The following WNK1 variants were observed in gnomAD, a reference collection of about 807,000 sequenced individuals.
The protein encoded by WNK1 is WNK lysine deficient protein kinase 1, also known as serine/threonine-protein kinase WNK1.
Under a neutral mutation model 222.8 loss-of-function variants are expected in WNK1, and 38 were observed. The ratio of observed to expected loss-of-function variants is 0.17; its 90% CI spans 0.13 to 0.22. The LOEUF is 0.22. Among genes scored for constraint, WNK1 ranks in the 10% least tolerant of loss-of-function variants. The pLI, the probability that WNK1 is intolerant of heterozygous loss-of-function variation, is 1.00. For synonymous variants in WNK1, 1,090 were observed against 1,092.9 expected (o/e 1.00, Z 0.05); for missense variants, 2,348 against 2,918.4 (o/e 0.80, Z 4.50).
intron 4 of WNK1, among the ~76,000 whole-genome samples, chr12:832,642 T>C (rs2154029750): frequency 6.6e-6 from 1 of 152,356 alleles, no homozygotes; most frequent in East Asian, 1.9e-4. Flanking sequence ...AGTGTGTAAC[T>C]CTCAAGTTAC....
At position 830,056 on chromosome 12, in the gene WNK1, G is replaced by A. The variant is rs72648631; in HGVS notation, c.1207G>A (p.Val403Ile). 4 of 1,614,064 alleles carry A rather than the reference G, an allele frequency of 2.5e-6. No homozygotes were observed. Among genetic ancestry groups the A allele is most frequent in the African/African-American group, 2.7e-5 (2 of 75,000 alleles). The change falls in exon 4 of 28, where the codon GTT becomes ATT. Residue 403 changes from valine (V) to isoleucine (I), a missense_variant. This residue lies in a region of WNK1 where 8 missense variants were observed against 86.0 expected (regional missense o/e 0.09). Coordinates refer to ENST00000315939, the MANE Select transcript of WNK1 (RefSeq NM_018979.4). ...GTATGAGGAGAAATATGATGAATCCGTTGACGTTTATGCTTTTGGGATGTG... is the reference window on the plus strand; with the variant it reads ...GTATGAGGAGAAATATGATGAATCCATTGACGTTTATGCTTTTGGGATGTG... Reference protein sequence around the residue: ...EMYEEKYDESVDVYAFGMCML... With the variant: ...EMYEEKYDESIDVYAFGMCML...
At chr12:801,133 G>GTAA (rs1221172315) in intron 1 of WNK1, among the ~76,000 whole-genome samples, 1 of 152,098 alleles carries the variant, frequency 6.6e-6, no homozygotes, top group Admixed American at 6.5e-5. Flanking sequence ...TTTTATTTCT[G>GTAA]TAACTTTCTT....
chr12:793,345 G>C (rs887559853), intron 1 of WNK1, among the ~76,000 whole-genome samples: 1 of 152,146 alleles, frequency 6.6e-6, no homozygotes, highest in South Asian at 2.1e-4. Context: ...AGCCTATAAA[G>C]TTAAAAAGGA....
At chr12:808,960 C>T (rs1218222688) in intron 1 of WNK1, among the ~76,000 whole-genome samples, 4 of 151,954 alleles carry the variant, frequency 2.6e-5, no homozygotes, top group Non-Finnish European at 5.9e-5. Context: ...AATGGGGTTT[C>T]ACCATCTTGG....
chr12:847,741 T>C (rs190198801), intron 4 of WNK1, among the ~76,000 whole-genome samples: 29 of 151,700 alleles, frequency 1.9e-4, no homozygotes, highest in Admixed American at 1.5e-3. Context: ...GATTGCCTGA[T>C]AGCTGTTAGA....
chr12:876,873 CATG>C (rs1952665847), intron 9 of WNK1, among the ~76,000 whole-genome samples: 1 of 151,922 alleles, frequency 6.6e-6, no homozygotes. Context: ...GAAAAAAATC[CATG>C]AAGGTTATGC....
chr12:866,439 G>A (rs572066843), intron 8 of WNK1, among the ~76,000 whole-genome samples: 5 of 152,176 alleles, frequency 3.3e-5, no homozygotes, highest in South Asian at 2.1e-4. Context: ...CTCGACTCAC[G>A]GCAACCTCTG....
intron 1 of WNK1, among the ~76,000 whole-genome samples, chr12:757,309 CT>C (rs946901263): frequency 2.1e-3 from 178 of 83,586 alleles, no homozygotes; most frequent in Middle Eastern, 0.011. Context: ...AGCATCAATT[CT>C]TTTTTTTTTT....
chr12:901,318 T>C (rs1042315379), intron 26 of WNK1, among the ~76,000 whole-genome samples: 7 of 152,198 alleles, frequency 4.6e-5, no homozygotes, highest in East Asian at 3.8e-4. Context: ...ATGCACTTGA[T>C]TGGTAAGGAG....
At chr12:767,531 A>G (rs1941919127) in intron 1 of WNK1, among the ~76,000 whole-genome samples, 1 of 151,910 alleles carries the variant, frequency 6.6e-6, no homozygotes, top group African/African-American at 2.4e-5. Context: ...GATAACAGGC[A>G]TGACCCACCA....
chr12:896,110 A>T lies in WNK1; in HGVS notation c.5623A>T (p.Asn1875Tyr), dbSNP rs1440193183. ...AGACGGTGCCCAGAAAGAGGGTAAAAATAAGTCAGAAGATGCAAAGTCTGT... is the reference window on the plus strand; with the variant it reads ...AGACGGTGCCCAGAAAGAGGGTAAATATAAGTCAGAAGATGCAAAGTCTGT... ...AADGAQKEGK[N>Y]KSEDAKSVHF... The change falls in exon 24 of 28, where the codon AAT (asparagine) becomes TAT (tyrosine). Residue 1875 changes from asparagine to tyrosine, a missense_variant. Physicochemically the swap from Asn to Tyr is moderately radical, Grantham distance 143. Transcript: ENST00000315939. The T allele has an allele frequency of 9.3e-6, 15 of 1,614,106 alleles. No individual in the cohort carries two copies. Among genetic ancestry groups the T allele is most frequent in the Non-Finnish European group, 1.3e-5 (15 of 1,180,044 alleles).
At chr12:782,573 C>G (rs544443162) in intron 1 of WNK1, among the ~76,000 whole-genome samples, 8 of 152,148 alleles carry the variant, frequency 5.3e-5, no homozygotes, top group Non-Finnish European at 1.2e-4. Context: ...TGAGCGATGT[C>G]GGCTCACTGC....
At chr12:765,591 A>AG (rs1941594309) in intron 1 of WNK1, among the ~76,000 whole-genome samples, 1 of 151,582 alleles carries the variant, frequency 6.6e-6, no homozygotes. Flanking sequence ...TTCTTTTGGA[A>AG]TGTGCTATAT....
intron 20 of WNK1, among the ~76,000 whole-genome samples, chr12:888,599 T>G (rs1407939189): frequency 2.0e-5 from 3 of 152,182 alleles, no homozygotes; most frequent in Non-Finnish European, 4.4e-5. Flanking sequence ...GATGGAATGG[T>G]TAACAGGATG....
intron 1 of WNK1, among the ~76,000 whole-genome samples, chr12:768,981 T>G (rs1056223060): frequency 6.6e-6 from 1 of 152,006 alleles, no homozygotes; most frequent in Admixed American, 6.5e-5. Flanking sequence ...GGCTAATTTT[T>G]TGTATTTTAG....
chr12:854,025 A>C (rs945496455), intron 4 of WNK1, among the ~76,000 whole-genome samples: 5 of 151,982 alleles, frequency 3.3e-5, no homozygotes, highest in Non-Finnish European at 7.4e-5. Context: ...TGCTGGGACT[A>C]CAGCTTTGAG....
At chr12:790,999 G>A (rs1373544667) in intron 1 of WNK1, among the ~76,000 whole-genome samples, 1 of 152,014 alleles carries the variant, frequency 6.6e-6, no homozygotes, top group African/African-American at 2.4e-5. Context: ...AAAAATAAGG[G>A]AAATGTGCTA....
rs1186549011 is a variant in WNK1, at chr12:883,684, T to G, written c.3664-90T>G. ...CTGACACCCATGACCGACAACAAAC[T>G]TTTATGTTCTCTTCACATGTGGCAG... On this transcript the variant is annotated intron_variant, in intron 16 of 27. Transcript: ENST00000315939. 7 of 1,597,136 alleles carry G rather than the reference T, an allele frequency of 4.4e-6. No homozygotes were observed. In the Admixed American group the frequency reaches 1.0e-4, roughly 23 times the overall value.
intron 1 of WNK1, among the ~76,000 whole-genome samples, chr12:770,021 T>G (rs530402084): frequency 7.9e-5 from 12 of 152,066 alleles, no homozygotes; most frequent in African/African-American, 2.4e-4. Context: ...TTGCCCAGGC[T>G]GGAGTGCAAT....
Sources: allele counts gnomAD v4.1 joint callset (sites outside exome capture counted in the v4.1 genomes callset), GRCh38; gene constraint gnomAD v4.1.1; regional missense constraint gnomAD v4.1.1; transcripts MANE v1.5; gene names NCBI Gene and HGNC (gene_info 2026-07-23, HGNC 2026-07-21).